Variants in CFAP95 observed in about 807,000 individuals in gnomAD.
CFAP95 encodes cilia- and flagella-associated protein 95.
At chr9:69,841,164 T>TTTTATTTATATATATATATATA in the CFAP95 span, among the ~76,000 whole-genome samples, 1 of 56,078 alleles carries the variant, frequency 1.8e-5, no homozygotes, top group Non-Finnish European at 3.6e-5. Flanking sequence ...CCAAGCTGGA[T>TTTTATTTATATATATATATATA]TATATATATA....
At chr9:69,821,114 G>A in the CFAP95 span, 5 of 1,517,180 alleles carry the variant, frequency 3.3e-6, no homozygotes, top group East Asian at 4.6e-5. Flanking sequence ...GGAAAGGAGA[G>A]TCAGAGAGAG....
At chr9:69,882,945 G>A in the CFAP95 span, among the ~76,000 whole-genome samples, 2 of 152,170 alleles carry the variant, frequency 1.3e-5, no homozygotes, top group East Asian at 3.8e-4. Flanking sequence ...TTTGGAATCA[G>A]GGTAATACTG....
At chr9:69,892,964 G>T in the CFAP95 span, among the ~76,000 whole-genome samples, 1 of 152,142 alleles carries the variant, frequency 6.6e-6, no homozygotes, top group Non-Finnish European at 1.5e-5. Flanking sequence ...TGTATGATCT[G>T]ATTCTTCCTG....
At chr9:69,881,953 C>A in the CFAP95 span, among the ~76,000 whole-genome samples, 1 of 145,724 alleles carries the variant, frequency 6.9e-6, no homozygotes, top group East Asian at 2.0e-4. Flanking sequence ...TTTTAAATTT[C>A]TTTTTCAGAT....
the CFAP95 span, among the ~76,000 whole-genome samples, chr9:69,873,229 G>A: frequency 7.2e-5 from 11 of 152,274 alleles, no homozygotes; most frequent in African/African-American, 2.6e-4. Flanking sequence ...TTAAAATAAA[G>A]TCACTCTTCT....
At chr9:69,838,547 G>GT in the CFAP95 span, among the ~76,000 whole-genome samples, 2 of 151,552 alleles carry the variant, frequency 1.3e-5, no homozygotes, top group Non-Finnish European at 2.9e-5. Context: ...TGTTGTTGGT[G>GT]TATAAGAATG....
the CFAP95 span, among the ~76,000 whole-genome samples, chr9:69,836,768 T>C: frequency 1.3e-5 from 2 of 150,410 alleles, no homozygotes; most frequent in Non-Finnish European, 3.0e-5. Flanking sequence ...TTAGGGTACA[T>C]GTGCACATTG....
At chr9:69,899,494 C>T in the CFAP95 span, among the ~76,000 whole-genome samples, 1 of 152,230 alleles carries the variant, frequency 6.6e-6, no homozygotes, top group Non-Finnish European at 1.5e-5. Flanking sequence ...AAAACGCTCA[C>T]TTTCTCAGAG....
At chr9:69,831,613 T>A in the CFAP95 span, among the ~76,000 whole-genome samples, 1 of 152,114 alleles carries the variant, frequency 6.6e-6, no homozygotes, top group Non-Finnish European at 1.5e-5. Flanking sequence ...TACTGTGATA[T>A]GTGTTTTGAT....
At chr9:69,887,556 T>C in the CFAP95 span, among the ~76,000 whole-genome samples, 2 of 152,142 alleles carry the variant, frequency 1.3e-5, no homozygotes, top group Admixed American at 1.3e-4. Flanking sequence ...TAATAAATTA[T>C]AAAAGAAAAA....
chr9:69,902,679 GT>G, the CFAP95 span, among the ~76,000 whole-genome samples: 1,817 of 145,068 alleles, frequency 0.013, 12 homozygotes, highest in Middle Eastern at 0.035. Flanking sequence ...TGGTATACCT[GT>G]TTTTTTTTTT....
the CFAP95 span, among the ~76,000 whole-genome samples, chr9:69,879,480 G>C: frequency 1.3e-5 from 2 of 150,986 alleles, no homozygotes; most frequent in Non-Finnish European, 2.9e-5. Context: ...CAGGAGGTTC[G>C]GGGGGAAAAG....
the CFAP95 span, among the ~76,000 whole-genome samples, chr9:69,863,693 C>A: frequency 2.6e-5 from 4 of 152,068 alleles, no homozygotes; most frequent in Non-Finnish European, 5.9e-5. Flanking sequence ...AACAAGCGAT[C>A]AGAAACCAAA....
At chr9:69,832,543 A>G in the CFAP95 span, among the ~76,000 whole-genome samples, 1 of 143,972 alleles carries the variant, frequency 6.9e-6, no homozygotes, top group African/African-American at 2.6e-5. Context: ...TTTTTTCCCT[A>G]CTAGTACTGT....
chr9:69,881,517 G>C, the CFAP95 span, among the ~76,000 whole-genome samples: 4 of 152,038 alleles, frequency 2.6e-5, no homozygotes, highest in Non-Finnish European at 5.9e-5. Flanking sequence ...TGTTCCATTG[G>C]TCTGTGTGTC....
At chr9:69,863,660 C>G in the CFAP95 span, among the ~76,000 whole-genome samples, 3 of 152,158 alleles carry the variant, frequency 2.0e-5, no homozygotes, top group Non-Finnish European at 4.4e-5. Context: ...GTACAAATCT[C>G]TGGGCTGTGT....
the CFAP95 span, among the ~76,000 whole-genome samples, chr9:69,901,053 TC>T: frequency 6.6e-6 from 1 of 151,836 alleles, no homozygotes; most frequent in African/African-American, 2.4e-5. Flanking sequence ...TGTGTGATGT[TC>T]CCCTTCTTGT....
At chr9:69,843,273 A>G in the CFAP95 span, among the ~76,000 whole-genome samples, 1 of 152,018 alleles carries the variant, frequency 6.6e-6, no homozygotes, top group East Asian at 1.9e-4. Flanking sequence ...AGTGTCCCCT[A>G]AACAATTCTA....
the CFAP95 span, among the ~76,000 whole-genome samples, chr9:69,865,984 A>G: frequency 6.6e-6 from 1 of 152,324 alleles, no homozygotes; most frequent in Middle Eastern, 3.4e-3. Flanking sequence ...AGTAAATAAC[A>G]TGTCCAAACT....
Sources: gnomAD v4.1 joint callset for allele counts (sites outside exome capture counted in the v4.1 genomes callset) on GRCh38, gnomAD v4.1.1 for gene constraint, MANE v1.5 for transcripts, NCBI Gene and HGNC (gene_info 2026-07-23, HGNC 2026-07-21) for gene names.